Variants in TTC7A observed in about 807,000 individuals in gnomAD.
TTC7A encodes tetratricopeptide repeat protein 7A.
Under a neutral mutation model 103.7 loss-of-function variants are expected in TTC7A, and 110 were observed. That is an observed-to-expected ratio of 1.06 (90% CI 0.91 to 1.24). The LOEUF is 1.24. Among genes scored for constraint, TTC7A ranks in the 50% most tolerant of loss-of-function variants. The pLI is 0.00. For synonymous variants in TTC7A, 521 were observed against 467.9 expected, an observed-to-expected ratio of 1.11 and a Z score of -1.47; for missense variants, 1,340 against 1,116.3, an observed-to-expected ratio of 1.20 and a Z score of -2.86.
At chr2:46,947,786 A>G (rs1311689657) in intron 1 of TTC7A, among the ~76,000 whole-genome samples, 3 of 152,236 alleles carry the variant, frequency 2.0e-5, no homozygotes, top group Admixed American at 2.0e-4. Context: ...AGAAAAATAA[A>G]AGAAAAATAC....
chr2:47,011,798 A>G (rs1213992857), intron 11 of TTC7A, among the ~76,000 whole-genome samples: 3 of 152,246 alleles, frequency 2.0e-5, no homozygotes, highest in Admixed American at 6.5e-5. Context: ...CTTAGCATCC[A>G]ATCTGCAAGG....
chr2:47,006,578 G>C, intron 9 of TTC7A, 63 bp from the exon 10 acceptor site: 1 of 1,418,798 alleles, frequency 7.0e-7, no homozygotes, highest in Non-Finnish European at 1.0e-6. Flanking sequence ...ACCCTGGAAG[G>C]GTGCGGATGG....
At chr2:46,951,746 C>T (rs770506074) in intron 2 of TTC7A, 1 of 442,240 alleles carries the variant, frequency 2.3e-6, no homozygotes. Flanking sequence ...AATATATTCA[C>T]TTCCTTAAAC....
rs1479449281 is a variant in TTC7A, at chr2:47,029,446, A to G, written c.1802+62A>G. ...TGGCTGGCCTCTGCAGCAGGCGCCCATGCACACCTGCCCTGCCATGGTGTC... is the reference window on the plus strand; with the variant it reads ...TGGCTGGCCTCTGCAGCAGGCGCCCGTGCACACCTGCCCTGCCATGGTGTC... On this transcript the variant is annotated intron_variant, in intron 15 of 19. Transcript: ENST00000319190. 4.5e-6 allele frequency: 7 copies of G among 1,572,262 alleles called. No homozygotes were observed. In the East Asian group the frequency reaches 1.3e-4, roughly 30 times the overall value.
At chr2:47,070,073 A>T (rs1684538015) in intron 19 of TTC7A, among the ~76,000 whole-genome samples, 1 of 152,246 alleles carries the variant, frequency 6.6e-6, no homozygotes, top group Admixed American at 6.5e-5. Context: ...CCCCCCTCAA[A>T]GGAAGAAGAA....
chr2:47,024,995 T>C (rs758463016), intron 14 of TTC7A, among the ~76,000 whole-genome samples: 1 of 152,216 alleles, frequency 6.6e-6, no homozygotes, highest in Non-Finnish European at 1.5e-5. Flanking sequence ...GCTGGCGCTC[T>C]GGGCATGCAC....
intron 5 of TTC7A, among the ~76,000 whole-genome samples, chr2:46,984,874 A>T (rs1432385776): frequency 2.6e-5 from 4 of 152,188 alleles, no homozygotes; most frequent in African/African-American, 9.7e-5. Flanking sequence ...GTGGAAGGAC[A>T]GCCTGGGCAG....
At chr2:46,950,575 G>A (rs372455471) in intron 2 of TTC7A, 49 bp downstream of exon 2, 21 of 1,594,392 alleles carry the variant, frequency 1.3e-5, no homozygotes, top group Non-Finnish European at 1.6e-5. Flanking sequence ...CGTCTGTCTT[G>A]CCTCGCATCT....
At chr2:46,919,706 T>C (rs1668999551) in intron 2 of TTC7A, among the ~76,000 whole-genome samples, 2 of 152,224 alleles carry the variant, frequency 1.3e-5, no homozygotes, top group African/African-American at 4.8e-5. Context: ...GAATTCCTTC[T>C]AACAGGGAGT....
At position 47,023,404 on chromosome 2, in the gene TTC7A, G is replaced by A. The variant is rs1373245469; in HGVS notation, c.1511-4G>A. 2 of 1,613,980 alleles carry A rather than the reference G, an allele frequency of 1.2e-6. No homozygotes were observed. The highest frequency in any genetic ancestry group is 1.1e-5 in the South Asian group (1 of 91,074). ...TGGCTCAGTTTCTGTCCTGTCCCCTGCAGCCACCCTGAAGTCCAAGCAAGA... is the reference window on the plus strand; with the variant it reads ...TGGCTCAGTTTCTGTCCTGTCCCCTACAGCCACCCTGAAGTCCAAGCAAGA... On this transcript the variant is annotated splice_region_variant and splice_polypyrimidine_tract_variant and intron_variant, in intron 12 of 19. Coordinates refer to ENST00000319190, the MANE Select transcript of TTC7A (RefSeq NM_020458.4).
Position 46,994,347 on chromosome 2 carries a change from T to C in TTC7A, c.844-10T>C. On this transcript the variant is annotated splice_polypyrimidine_tract_variant and intron_variant, in intron 6 of 19. Coordinates refer to ENST00000319190, the MANE Select transcript of TTC7A (RefSeq NM_020458.4). ...CTGTGCCTGGGTCCGAGTGCTTCCCTCTCTGCCAGATGGCGGCCAAGCACC... is the reference window on the plus strand; with the variant it reads ...CTGTGCCTGGGTCCGAGTGCTTCCCCCTCTGCCAGATGGCGGCCAAGCACC... 1 of 1,610,362 alleles carries C rather than the reference T, an allele frequency of 6.2e-7. No individual in the cohort carries two copies. Among genetic ancestry groups the C allele is most frequent in the Non-Finnish European group, 8.5e-7 (1 of 1,178,028 alleles).
At chr2:47,066,639 G>T (rs946713431) in intron 19 of TTC7A, among the ~76,000 whole-genome samples, 2 of 152,196 alleles carry the variant, frequency 1.3e-5, no homozygotes, top group Non-Finnish European at 2.9e-5. Flanking sequence ...GGCGCTTGAG[G>T]GTTACTTTCC....
intron 12 of TTC7A, 138 bp from the exon 13 acceptor site, chr2:47,023,270 G>A (rs1235769259): frequency 2.4e-6 from 2 of 821,298 alleles, no homozygotes; most frequent in Non-Finnish European, 3.9e-6. Context: ...GGCCCAGGCT[G>A]CTGGAGTTTG....
intron 2 of TTC7A, among the ~76,000 whole-genome samples, chr2:46,924,544 A>G (rs1669284403): frequency 6.6e-6 from 1 of 152,236 alleles, no homozygotes; most frequent in East Asian, 1.9e-4. Flanking sequence ...ATAGAATATG[A>G]GAAGAAAACT....
At chr2:47,060,318 T>C (rs1201459954) in intron 18 of TTC7A, among the ~76,000 whole-genome samples, 1 of 152,056 alleles carries the variant, frequency 6.6e-6, no homozygotes. Flanking sequence ...TACAGTGAGC[T>C]GAGATCGCGC....
At chr2:47,059,322 C>T (rs910447620) in intron 18 of TTC7A, among the ~76,000 whole-genome samples, 1 of 152,056 alleles carries the variant, frequency 6.6e-6, no homozygotes, top group African/African-American at 2.4e-5. Flanking sequence ...GCCCAGCCAC[C>T]TGCATTTTTT....
rs1449464108 is a variant in TTC7A at position 46,956,007 on chromosome 2, A to G, written c.349-832A>G. ...TACAAGGAGAACTGGGGCCATGTCC[A>G]AGGTCAGAACTCACGTGCCAGGGTG... On this transcript the variant is annotated intron_variant, in intron 2 of 19. Transcript: ENST00000319190. Among the ~76,000 whole-genome samples, 6 of 152,266 alleles carry G rather than the reference A, an allele frequency of 3.9e-5. No individual in the cohort carries two copies. In the South Asian group the frequency reaches 8.3e-4, roughly 21 times the overall value.
intron 16 of TTC7A, chr2:47,047,185 T>A (rs1436915319): frequency 1.0e-5 from 8 of 786,136 alleles, no homozygotes; most frequent in Non-Finnish European, 1.3e-5. Context: ...GATCCTCTTG[T>A]CCTTCTTTGG....
chr2:47,030,407 T>C (rs531831478), intron 15 of TTC7A, among the ~76,000 whole-genome samples: 1 of 152,112 alleles, frequency 6.6e-6, no homozygotes, highest in African/African-American at 2.4e-5. Context: ...ACCACAGGGG[T>C]GGGTTCAGGT....
Sources: gnomAD v4.1 joint callset for allele counts (sites outside exome capture counted in the v4.1 genomes callset) on GRCh38, gnomAD v4.1.1 for gene constraint, MANE v1.5 for transcripts, NCBI Gene and HGNC (gene_info 2026-07-23, HGNC 2026-07-21) for gene names.